Variants in LYST observed in about 807,000 individuals in gnomAD.
LYST encodes lysosomal-trafficking regulator.
A neutral mutation model predicts 413.6 loss-of-function variants in LYST; 192 were observed. That is an observed-to-expected ratio of 0.46 (90% CI 0.41 to 0.52). The LOEUF is 0.52. Among genes scored for constraint, LYST ranks in the 20% least tolerant of loss-of-function variants. The probability of loss-of-function intolerance (pLI) is 0.00; values close to 1 mark genes in which losing one functional copy is unlikely to be tolerated. For missense variants in LYST, 3,815 were observed against 4,499.9 expected (o/e 0.85, Z 4.35); for synonymous variants, 1,525 against 1,567.3 (o/e 0.97, Z 0.64).
chr1:235,780,736 AT>A (rs1486237314), intron 16 of LYST, 128 bp downstream of exon 16: 2 of 425,638 alleles, frequency 4.7e-6, no homozygotes, highest in African/African-American at 4.1e-5. Context: ...AAAAAACATA[AT>A]TCTAAGAAAA....
At position 235,755,233 on chromosome 1, in the gene LYST, C is replaced by T. The variant is rs112010120; in HGVS notation, c.7229+245G>A. Among the ~76,000 whole-genome samples the T allele has an allele frequency of 0.037, 5,544 of 149,980 alleles. 339 individuals are homozygous for T. The highest frequency in any genetic ancestry group is 0.13 in the African/African-American group (5,244 of 40,838). Reference sequence around the variant, plus strand: ...TGAAACCCCATCTCTACTAAAGATACAAAAAACTAGCCGGGCATGGTGGTA... The same window carrying T: ...TGAAACCCCATCTCTACTAAAGATATAAAAAACTAGCCGGGCATGGTGGTA... On this transcript the variant is annotated intron_variant, in intron 25 of 52. Transcript: ENST00000389793.
At chr1:235,866,934 C>T (rs1680624888), upstream of LYST, 1 of 153,600 alleles carries the variant, frequency 6.5e-6, no homozygotes, top group Non-Finnish European at 1.5e-5. Flanking sequence ...GCACTCCCCA[C>T]CCCCGCCCGC....
At chr1:235,770,323 A>G (rs1668543792) in intron 19 of LYST, 26 bp from the exon 20 acceptor site, 1 of 1,612,432 alleles carries the variant, frequency 6.2e-7, no homozygotes, top group Admixed American at 1.7e-5. Flanking sequence ...CACACCAATA[A>G]GCACATACTT....
intron 47 of LYST, among the ~76,000 whole-genome samples, chr1:235,689,014 TAATAATAATAATAAC>T (rs1350294932): frequency 6.7e-5 from 9 of 133,674 alleles, no homozygotes; most frequent in African/African-American, 1.6e-4. Flanking sequence ...ATAATAATAA[TAATAATAATAATAAC>T]AACAACAACA....
chr1:235,667,536 A>G (rs1658590305), intron 50 of LYST, among the ~76,000 whole-genome samples: 1 of 152,234 alleles, frequency 6.6e-6, no homozygotes, highest in African/African-American at 2.4e-5. Flanking sequence ...GGCACATAAT[A>G]TAGTTGTCCC....
intron 36 of LYST, among the ~76,000 whole-genome samples, chr1:235,730,223 C>G (rs1664243929): frequency 6.6e-6 from 1 of 151,910 alleles, no homozygotes; most frequent in Non-Finnish European, 1.5e-5. Flanking sequence ...ATAATAACAA[C>G]CACAATAACT....
chr1:235,805,880 C>G lies in LYST; in HGVS notation c.3256G>C (p.Glu1086Gln), dbSNP rs551224676. Residue 1086 changes from glutamate to glutamine, a missense_variant, in exon 6 of 53, where the codon GAG becomes CAG. Coordinates refer to ENST00000389793, the MANE Select transcript of LYST (RefSeq NM_000081.4). ...TGACTTGTAAATAGCTTTGCTTCCT[C>G]GGGAGCGGCTTCAGTAGCTGAAACT... The part of the protein sequence containing the change: ...EEVSATEAAP[E>Q]EAKLFTSQES... 1 of 1,613,672 alleles carries G rather than the reference C, an allele frequency of 6.2e-7. No homozygotes were observed. The highest frequency in any genetic ancestry group is 1.1e-5 in the South Asian group (1 of 91,078).
rs1448093757 is a variant in LYST at position 235,849,570 on chromosome 1, TC to T, written c.-97-15904del. Reference sequence around the variant, plus strand: ...GGCATCCAAGTCAGTAAAGAGGAAGTCAAACTTTCACTGTTTGCTGATGATA... The same window carrying T: ...GGCATCCAAGTCAGTAAAGAGGAAGTAAACTTTCACTGTTTGCTGATGATA... On this transcript the variant is annotated intron_variant, in intron 1 of 52. Transcript: ENST00000389793. Among the ~76,000 whole-genome samples, 6 of 152,038 alleles carry T rather than the reference TC, an allele frequency of 3.9e-5. No homozygotes were observed. The East Asian group carries it at 7.7e-4, about 20-fold the overall frequency.
rs574939752 is a variant in LYST, at chr1:235,816,348, G to A, written c.193-3287C>T. 1.7e-4 allele frequency among the ~76,000 whole-genome samples: 25 copies of A among 143,754 alleles called. No homozygotes were observed. The East Asian group carries it at 2.3e-3, about 13-fold the overall frequency. 94.3% of individuals were successfully genotyped at this position (143,754 alleles called of 152,430 possible). A position where few individuals can be genotyped will look rare whatever the true frequency, so the allele number is the denominator to read the frequency against. On this transcript the variant is annotated intron_variant, in intron 3 of 52. Coordinates refer to ENST00000389793, the MANE Select transcript of LYST (RefSeq NM_000081.4). The stretch of plus-strand genomic sequence containing the variant: ...CCCAGCTACTCGGGAGCTGAGGCAG[G>A]AGAATCACTTGAACCTGAGAGGCGG...
chr1:235,805,713 A>G, intron 6 of LYST, 30 bp downstream of exon 6: 6 of 1,434,304 alleles, frequency 4.2e-6, no homozygotes, highest in South Asian at 1.1e-5. Flanking sequence ...TATATATTAC[A>G]TAAGAGTTGG....
Position 235,778,366 on chromosome 1 carries a change from A to ATTAT in LYST, c.5215-1062_5215-1059dup, listed in dbSNP as rs549269197. 3.3e-3 allele frequency among the ~76,000 whole-genome samples: 502 copies of ATTAT among 150,508 alleles called. 1 individual carries two copies. The highest frequency in any genetic ancestry group is 5.6e-3 in the Non-Finnish European group (380 of 67,590). ...GGGGCCTTGTGCTTAGATTATTCTT[A>ATTAT]TTATTTATTTATTTATTTATTTTTC... is the stretch of plus-strand genomic sequence containing the variant. On this transcript the variant is annotated intron_variant, in intron 16 of 52. Transcript: ENST00000389793.
intron 25 of LYST, among the ~76,000 whole-genome samples, chr1:235,754,041 T>C (rs1666743987): frequency 6.6e-6 from 1 of 152,054 alleles, no homozygotes; most frequent in South Asian, 2.1e-4. Context: ...TTTACACTTA[T>C]TTGCTAATCC....
intron 48 of LYST, among the ~76,000 whole-genome samples, chr1:235,685,086 C>T (rs1660105803): frequency 1.3e-5 from 2 of 152,186 alleles, no homozygotes; most frequent in Admixed American, 6.5e-5. Context: ...GCCTTTGATT[C>T]CAGGCTCTTG....
At chr1:235,833,449 A>G in intron 2 of LYST, 129 bp downstream of exon 2, 1 of 154,220 alleles carries the variant, frequency 6.5e-6, no homozygotes, top group South Asian at 2.1e-4. Context: ...ACCACAAACT[A>G]TACATCCATC....
chr1:235,695,564 A>G (rs1039948446), intron 46 of LYST, among the ~76,000 whole-genome samples: 1 of 152,140 alleles, frequency 6.6e-6, no homozygotes, highest in Admixed American at 6.5e-5. Context: ...TAAGTCCCAT[A>G]ATGCAAAGTG....
intron 48 of LYST, among the ~76,000 whole-genome samples, chr1:235,684,069 A>G (rs1402390548): frequency 2.6e-5 from 4 of 152,254 alleles, no homozygotes; most frequent in Admixed American, 2.0e-4. Flanking sequence ...AGGCAAATAT[A>G]TAACTGAGGA....
chr1:235,873,222 C>T (rs1272690558), intron 1 of LYST, among the ~76,000 whole-genome samples: 1 of 152,158 alleles, frequency 6.6e-6, no homozygotes, highest in African/African-American at 2.4e-5. Context: ...TTCCAACCAA[C>T]TAAAAGTGTT....
At chr1:235,670,409 G>C (rs1038476919) in intron 50 of LYST, among the ~76,000 whole-genome samples, 1 of 152,174 alleles carries the variant, frequency 6.6e-6, no homozygotes. Flanking sequence ...TCTAAGTGCT[G>C]GCTTTTCTTT....
chr1:235,802,126 G>A (rs1188402027), intron 8 of LYST, among the ~76,000 whole-genome samples: 2 of 149,670 alleles, frequency 1.3e-5, no homozygotes, highest in East Asian at 3.9e-4. Context: ...CCTGGGAGAT[G>A]GAGGTTGCAG....
Sources: allele counts gnomAD v4.1 joint callset (sites outside exome capture counted in the v4.1 genomes callset), GRCh38; gene constraint gnomAD v4.1.1; transcripts MANE v1.5; gene names NCBI Gene and HGNC (gene_info 2026-07-23, HGNC 2026-07-21).